THSD7A: variants seen among roughly 807,000 people sequenced by gnomAD.
THSD7A encodes thrombospondin type-1 domain-containing protein 7A.
THSD7A carries 96 observed loss-of-function variants against 231.3 expected under a neutral mutation model. That is an observed-to-expected ratio of 0.41 (90% CI 0.35 to 0.49). THSD7A has a LOEUF of 0.49. Among genes scored for constraint, THSD7A ranks in the 20% least tolerant of loss-of-function variants. The pLI is 0.05. For synonymous variants in THSD7A, 940 were observed against 743.3 expected, an observed-to-expected ratio of 1.26 and a Z score of -4.30; for missense variants, 2,290 against 2,070.2, an observed-to-expected ratio of 1.11 and a Z score of -2.06.
In THSD7A at chr7:11,481,986, G is replaced by A; in HGVS notation, c.1823-4C>T. On this transcript the variant is annotated splice_region_variant and splice_polypyrimidine_tract_variant and intron_variant, in intron 6 of 27. Transcript: ENST00000423059. The stretch of plus-strand genomic sequence containing the variant: ...AGCTGTCTGTCAACTTCTTCTCCTG[G>A]GGAAAACATGACCACCAACAGCTAT... 6.3e-7 allele frequency: 1 copy of A among 1,584,308 alleles called. No homozygotes were observed. Among genetic ancestry groups the A allele is most frequent in the Non-Finnish European group, 8.6e-7 (1 of 1,162,430 alleles).
intron 6 of THSD7A, among the ~76,000 whole-genome samples, chr7:11,488,001 A>G (rs1467813220): frequency 2.0e-5 from 3 of 152,152 alleles, no homozygotes. Flanking sequence ...TGCTATGTGC[A>G]AAGCACCTCC....
At chr7:11,728,701 T>C (rs752938379) in intron 1 of THSD7A, among the ~76,000 whole-genome samples, 1 of 151,902 alleles carries the variant, frequency 6.6e-6, no homozygotes, top group Admixed American at 6.6e-5. Flanking sequence ...GATCAAATCC[T>C]AATATTCCCT....
At chr7:11,662,957 A>C (rs1232005216) in intron 1 of THSD7A, among the ~76,000 whole-genome samples, 1 of 151,326 alleles carries the variant, frequency 6.6e-6, no homozygotes, top group Non-Finnish European at 1.5e-5. Flanking sequence ...GTAAGAAAGA[A>C]GGCTGTAAAA....
intron 2 of THSD7A, among the ~76,000 whole-genome samples, chr7:11,599,631 G>A (rs1224950469): frequency 1.3e-5 from 2 of 152,136 alleles, no homozygotes; most frequent in Non-Finnish European, 2.9e-5. Flanking sequence ...AAGGATAGTT[G>A]TATTATGTTA....
At chr7:11,763,021 T>C in intron 1 of THSD7A, among the ~76,000 whole-genome samples, 1 of 152,172 alleles carries the variant, frequency 6.6e-6, no homozygotes. Flanking sequence ...TAATTGTATT[T>C]CTAACGTATA....
chr7:11,385,939 A>C (rs754599122), intron 23 of THSD7A, among the ~76,000 whole-genome samples: 1 of 150,720 alleles, frequency 6.6e-6, no homozygotes, highest in Non-Finnish European at 1.5e-5. Flanking sequence ...TCGTTGTTCA[A>C]CTCCCACTTA....
At chr7:11,397,145 G>C (rs753449013) in intron 23 of THSD7A, among the ~76,000 whole-genome samples, 4 of 151,812 alleles carry the variant, frequency 2.6e-5, no homozygotes, top group Non-Finnish European at 5.9e-5. Context: ...AATAATAAGA[G>C]CTATTTATGT....
chr7:11,466,166 C>T (rs1056322715), intron 9 of THSD7A, among the ~76,000 whole-genome samples: 5 of 152,202 alleles, frequency 3.3e-5, no homozygotes, highest in African/African-American at 1.2e-4. Flanking sequence ...CTTTAATAAG[C>T]CCAACATCTT....
chr7:11,827,653 C>T (rs1329331898), intron 1 of THSD7A, among the ~76,000 whole-genome samples: 2 of 151,956 alleles, frequency 1.3e-5, no homozygotes, highest in African/African-American at 2.4e-5. Context: ...CTTTAATGAT[C>T]CCTCCCACTC....
At chr7:11,801,214 C>G (rs1036379162) in intron 1 of THSD7A, among the ~76,000 whole-genome samples, 1 of 151,900 alleles carries the variant, frequency 6.6e-6, no homozygotes. Context: ...CACAATAAAG[C>G]TAAAAAATAA....
At chr7:11,436,382 A>G (rs1784633512) in intron 13 of THSD7A, among the ~76,000 whole-genome samples, 1 of 152,124 alleles carries the variant, frequency 6.6e-6, no homozygotes, top group Non-Finnish European at 1.5e-5. Flanking sequence ...AGTTTACTGG[A>G]TTCTAATAAG....
rs190411256 is a variant in THSD7A at position 11,784,209 on chromosome 7, T to C, written c.190+47548A>G. Reference sequence around the variant, plus strand: ...GTTTATGCATATATATACGTGTGTGTATACATATATATACACATATATATG... The same window carrying C: ...GTTTATGCATATATATACGTGTGTGCATACATATATATACACATATATATG... On this transcript the variant is annotated intron_variant, in intron 1 of 27. Transcript: ENST00000423059. Among the ~76,000 whole-genome samples the C allele has an allele frequency of 3.3e-5, 5 of 151,852 alleles. No individual in the cohort carries two copies. In the East Asian group the frequency reaches 5.8e-4, roughly 18 times the overall value.
intron 1 of THSD7A, among the ~76,000 whole-genome samples, chr7:11,739,139 T>G (rs1226723608): frequency 6.6e-6 from 1 of 152,010 alleles, no homozygotes; most frequent in Admixed American, 6.6e-5. Flanking sequence ...ATACATAATT[T>G]GACTATGGAG....
At chr7:11,462,870 G>A (rs1283865876) in intron 9 of THSD7A, among the ~76,000 whole-genome samples, 1 of 152,136 alleles carries the variant, frequency 6.6e-6, no homozygotes, top group Non-Finnish European at 1.5e-5. Flanking sequence ...TTGACAGTAT[G>A]ACTGATGTAA....
At chr7:11,786,324 C>A (rs1783791462) in intron 1 of THSD7A, among the ~76,000 whole-genome samples, 1 of 152,018 alleles carries the variant, frequency 6.6e-6, no homozygotes, top group South Asian at 2.1e-4. Flanking sequence ...ATGGTTGTGA[C>A]CACTGTAACA....
chr7:11,730,775 T>A (rs540056935), intron 1 of THSD7A, among the ~76,000 whole-genome samples: 1 of 151,558 alleles, frequency 6.6e-6, no homozygotes, highest in Non-Finnish European at 1.5e-5. Flanking sequence ...CTGTTGAATA[T>A]CCCCTTTATA....
intron 1 of THSD7A, among the ~76,000 whole-genome samples, chr7:11,791,180 A>G (rs567601246): frequency 8.5e-5 from 13 of 152,134 alleles, no homozygotes; most frequent in African/African-American, 2.2e-4. Flanking sequence ...GCTAGGACAC[A>G]GGATAGTCAA....
At chr7:11,550,551 T>C (rs1789585650) in intron 4 of THSD7A, among the ~76,000 whole-genome samples, 1 of 152,102 alleles carries the variant, frequency 6.6e-6, no homozygotes, top group Non-Finnish European at 1.5e-5. Context: ...ACTTTTCCCT[T>C]TGCTCTCTCT....
Position 11,444,458 on chromosome 7 carries a change from T to C in THSD7A, c.3064+1603A>G, listed in dbSNP as rs1163797752. 6.6e-6 allele frequency among the ~76,000 whole-genome samples: 1 copy of C among 151,920 alleles called. No homozygotes were observed. Among genetic ancestry groups the C allele is most frequent in the Non-Finnish European group, 1.5e-5 (1 of 67,982 alleles). On this transcript the variant is annotated intron_variant, in intron 13 of 27. Transcript: ENST00000423059. This position sits in a 1 kb window ranked among gnomAD's most constrained non-coding sequence, Gnocchi z 4.2. ...AATGTGGCACATATACATCATAAAA[T>C]GGATGAAGCTGGAAACCGTCATGCC... is the stretch of plus-strand genomic sequence containing the variant.
Sources: gnomAD v4.1 joint callset for allele counts (sites outside exome capture counted in the v4.1 genomes callset) on GRCh38, gnomAD v4.1.1 for gene constraint, Gnocchi (gnomAD v3.1) non-coding constraint, MANE v1.5 for transcripts, NCBI Gene and HGNC (gene_info 2026-07-23, HGNC 2026-07-21) for gene names.